Variants in PHC3 observed in about 807,000 individuals in gnomAD.
PHC3 encodes the protein polyhomeotic-like protein 3.
PHC3 carries 13 observed loss-of-function variants against 107.4 expected under a neutral mutation model. That is an observed-to-expected ratio of 0.12 (90% CI 0.08 to 0.19). The LOEUF is 0.19. PHC3 is among the 10% of genes least tolerant of loss of function. The pLI, the probability that PHC3 is intolerant of heterozygous loss-of-function variation, is 1.00. For synonymous variants in PHC3, 456 were observed against 427.4 expected (o/e 1.07, Z -0.83); for missense variants, 992 against 1,210.9 (o/e 0.82, Z 2.68).
chr3:170,163,883 A>AAAAAAGGCAGGCAGGCAGGCAGGC (rs1560119144), intron 4 of PHC3, among the ~76,000 whole-genome samples: 10 of 141,466 alleles, frequency 7.1e-5, no homozygotes, highest in African/African-American at 2.7e-4. Context: ...AAAAAAAAAA[A>AAAAAAGGCAGGCAGGCAGGCAGGC]AGGCAGGCAG....
At chr3:170,158,855 A>T (rs1727352685) in intron 4 of PHC3, among the ~76,000 whole-genome samples, 1 of 150,172 alleles carries the variant, frequency 6.7e-6, no homozygotes, top group African/African-American at 2.4e-5. Context: ...TGAGCCTGGG[A>T]GGTGGCAGTT....
chr3:170,113,650 G>T (rs1718300465), intron 10 of PHC3, 131 bp from the exon 11 acceptor site: 2 of 803,338 alleles, frequency 2.5e-6, no homozygotes, highest in Non-Finnish European at 1.9e-6. Context: ...GATCCATTTA[G>T]TAAGTGCCTT....
Position 170,130,580 on chromosome 3 carries a change from G to A in PHC3, c.920-1028C>T, listed in dbSNP as rs562145552. Among the ~76,000 whole-genome samples, 3 of 152,122 alleles carry A rather than the reference G, an allele frequency of 2.0e-5. No individual in the cohort carries two copies. The South Asian group carries it at 6.2e-4, about 32-fold the overall frequency. On this transcript the variant is annotated intron_variant, in intron 7 of 14. Coordinates refer to ENST00000495893, the MANE Select transcript of PHC3 (RefSeq NM_024947.4). The stretch of plus-strand genomic sequence containing the variant: ...CTTGCAGAGAATGAGACAATCAGAA[G>A]CCCATGCTACCTAAATAAGGGATTT...
chr3:170,117,732 G>A (rs143892669), intron 9 of PHC3, among the ~76,000 whole-genome samples: 15 of 151,828 alleles, frequency 9.9e-5, no homozygotes, highest in East Asian at 1.9e-4. Flanking sequence ...GCACAATGGC[G>A]CATGCCTGTA....
chr3:170,170,689 A>G (rs1402566663), intron 4 of PHC3: 1 of 152,162 alleles, frequency 6.6e-6, no homozygotes, highest in Non-Finnish European at 1.5e-5. Flanking sequence ...AATGAATGAT[A>G]AAGTAATGGG....
rs766930198 is a variant in PHC3, at chr3:170,113,385, T to C, written c.2328A>G (p.Thr776=). 1.8e-5 allele frequency: 29 copies of C among 1,609,878 alleles called. No homozygotes were observed. The highest frequency in any genetic ancestry group is 1.3e-4 in the Admixed American group (8 of 59,364). Residue 776 remains threonine, a synonymous_variant, in exon 11 of 15, where the codon ACA becomes ACG. Transcript: ENST00000495893. The stretch of plus-strand genomic sequence containing the variant: ...CTTCAGCAATCATGTCTTCCATCTC[T>C]GTGTCAGATGAATTATCCGCATGTT... The part of the protein sequence containing the change: ...NTKHADNSSD[T]EMEDMIAEET...
chr3:170,095,560 C>T lies in PHC3; in HGVS notation c.*1670G>A, dbSNP rs983355234. 5.9e-5 allele frequency: 9 copies of T among 152,084 alleles called. No homozygotes were observed. The highest frequency in any genetic ancestry group is 1.0e-4 in the Non-Finnish European group (7 of 68,018). 9.4% of individuals were successfully genotyped at this position (152,084 alleles called of 1,614,324 possible). A position where few individuals can be genotyped will look rare whatever the true frequency, so the allele number is the denominator to read the frequency against. On this transcript the variant is annotated 3_prime_UTR_variant, in exon 15 of 15. Coordinates refer to ENST00000495893, the MANE Select transcript of PHC3 (RefSeq NM_024947.4). ...CATCTTTAGTCTTCTACCAGCTCAACACAATCTTTTTGAAAAGAGCAGTGA... is the reference window on the plus strand; with the variant it reads ...CATCTTTAGTCTTCTACCAGCTCAATACAATCTTTTTGAAAAGAGCAGTGA...
chr3:170,180,318 A>T (rs1447547756), intron 1 of PHC3, among the ~76,000 whole-genome samples: 5 of 152,118 alleles, frequency 3.3e-5, no homozygotes, highest in Non-Finnish European at 7.4e-5. Context: ...GCCTGGTGGC[A>T]CAGGACTGTG....
At chr3:170,138,162 A>G (rs1165131873) in intron 6 of PHC3, among the ~76,000 whole-genome samples, 1 of 152,126 alleles carries the variant, frequency 6.6e-6, no homozygotes, top group Non-Finnish European at 1.5e-5. Context: ...GCCATTGCCC[A>G]CAAGTCTGGG....
intron 11 of PHC3, among the ~76,000 whole-genome samples, chr3:170,113,123 C>T (rs1363460894): frequency 6.6e-6 from 1 of 152,218 alleles, no homozygotes. Flanking sequence ...TTCCCACTCA[C>T]ACTCCTTCAA....
At chr3:170,176,623 T>C (rs1730532366) in intron 2 of PHC3, among the ~76,000 whole-genome samples, 1 of 152,212 alleles carries the variant, frequency 6.6e-6, no homozygotes, top group Admixed American at 6.5e-5. Flanking sequence ...AAAACATTTA[T>C]TTTCCCATCA....
At chr3:170,160,934 A>G (rs1014301415) in intron 4 of PHC3, among the ~76,000 whole-genome samples, 15 of 152,302 alleles carry the variant, frequency 9.8e-5, no homozygotes, top group Admixed American at 8.5e-4. Flanking sequence ...GTTAACATTA[A>G]TAGTGTTACA....
chr3:170,151,748 AG>A (rs1396499787), intron 4 of PHC3, among the ~76,000 whole-genome samples: 1 of 152,174 alleles, frequency 6.6e-6, no homozygotes, highest in Non-Finnish European at 1.5e-5. Context: ...TAGTGGAGGC[AG>A]GGAAGGAGGT....
At chr3:170,109,912 C>T (rs999498713) in intron 11 of PHC3, among the ~76,000 whole-genome samples, 3 of 152,106 alleles carry the variant, frequency 2.0e-5, no homozygotes, top group Non-Finnish European at 2.9e-5. Context: ...TTCCTATAAA[C>T]ACTGAAGTAC....
intron 6 of PHC3, among the ~76,000 whole-genome samples, chr3:170,139,199 G>GAC (rs1367300533): frequency 9.8e-5 from 15 of 152,308 alleles, no homozygotes; most frequent in African/African-American, 3.6e-4. Flanking sequence ...ACTCCCTGCA[G>GAC]TTCGGTGCTG....
Position 170,089,368 on chromosome 3 carries a change from C to T in PHC3, c.*7862G>A, listed in dbSNP as rs931406878. 6 of 152,110 alleles carry T rather than the reference C, an allele frequency of 3.9e-5. No individual in the cohort carries two copies. The East Asian group carries it at 1.2e-3, about 29-fold the overall frequency. 9.4% of individuals were successfully genotyped at this position (152,110 alleles called of 1,614,324 possible). On this transcript the variant is annotated 3_prime_UTR_variant, in exon 15 of 15. Transcript: ENST00000495893. Reference sequence around the variant, plus strand: ...AAATGATTCTCCCATTCAATGTTTACCCCCTAGATACTTAACAATTCAAGC... The same window carrying T: ...AAATGATTCTCCCATTCAATGTTTATCCCCTAGATACTTAACAATTCAAGC...
intron 2 of PHC3, among the ~76,000 whole-genome samples, chr3:170,175,592 A>G (rs1730300391): frequency 6.8e-6 from 1 of 146,140 alleles, no homozygotes; most frequent in Non-Finnish European, 1.5e-5. Flanking sequence ...ATGCCACTGG[A>G]CTCCAGCCTA....
At position 170,178,763 on chromosome 3, in the gene PHC3, G is replaced by A. The variant is rs1278397545; in HGVS notation, c.180+10C>T. On this transcript the variant is annotated intron_variant, in intron 2 of 14. Coordinates refer to ENST00000495893, the MANE Select transcript of PHC3 (RefSeq NM_024947.4). ...AAGTCTTAGACTACCCATCACTACA[G>A]CTGAAATACCTGTACAGCATGTCGG... is the stretch of plus-strand genomic sequence containing the variant. 1.9e-6 allele frequency: 3 copies of A among 1,613,582 alleles called. No homozygotes were observed. Among genetic ancestry groups the A allele is most frequent in the Admixed American group, 3.3e-5 (2 of 60,006 alleles).
intron 2 of PHC3, among the ~76,000 whole-genome samples, chr3:170,175,966 G>A (rs140062076): frequency 0.012 from 1,808 of 150,100 alleles, 39 homozygotes; most frequent in African/African-American, 0.042. Flanking sequence ...GGTAGCTCAT[G>A]CCTGTGATCC....
Sources: gnomAD v4.1 joint callset for allele counts (sites outside exome capture counted in the v4.1 genomes callset) on GRCh38, gnomAD v4.1.1 for gene constraint, MANE v1.5 for transcripts, NCBI Gene and HGNC (gene_info 2026-07-23, HGNC 2026-07-21) for gene names.